VAPA: variants seen among roughly 807,000 people sequenced by gnomAD.
VAPA encodes VAMP associated protein A, also known as vesicle-associated membrane protein-associated protein A.
VAPA carries 6 observed loss-of-function variants against 25.6 expected under a neutral mutation model. That is an observed-to-expected ratio of 0.23 (90% confidence interval 0.13 to 0.46). VAPA has a LOEUF of 0.46. Among genes scored for constraint, VAPA ranks in the 20% least tolerant of loss-of-function variants. VAPA has a pLI of 0.99. For synonymous variants in VAPA, 112 were observed against 106.2 expected (o/e 1.05, Z -0.34); for missense variants, 244 against 302.1 (o/e 0.81, Z 1.43).
chr18:9,926,640 TA>T (rs1236721454), intron 1 of VAPA, among the ~76,000 whole-genome samples: 1 of 152,144 alleles, frequency 6.6e-6, no homozygotes, highest in African/African-American at 2.4e-5. Flanking sequence ...GCTACTCACA[TA>T]GTGAGTTTGC....
At chr18:9,936,957 G>A (rs2069317454) in intron 3 of VAPA, 29 bp from the exon 4 acceptor site, 1 of 1,592,728 alleles carries the variant, frequency 6.3e-7, no homozygotes. Context: ...TACCTCCTAT[G>A]TCTCATGTTT....
In VAPA at chr18:9,956,050, C is replaced by CT. The variant is rs1361192505; in HGVS notation, c.*1846dup. ...ACCAAGTTTGGTATCTCATAGCTAT[C>CT]TTTTTTTAAAGAAATTAAGTTCTTG... On this transcript the variant is annotated 3_prime_UTR_variant, in exon 6 of 6. Coordinates refer to ENST00000400000, the MANE Select transcript of VAPA (RefSeq NM_194434.3). 6.6e-6 allele frequency: 1 copy of CT among 152,150 alleles called. No individual in the cohort carries two copies. The highest frequency in any genetic ancestry group is 1.5e-5 in the Non-Finnish European group (1 of 68,028). The allele number at this position is 152,150 out of a possible 1,614,324, so 9.4% of individuals were successfully genotyped here.
intron 4 of VAPA, among the ~76,000 whole-genome samples, chr18:9,946,755 T>C (rs1449444894): frequency 2.0e-5 from 3 of 152,170 alleles, no homozygotes; most frequent in Non-Finnish European, 2.9e-5. Flanking sequence ...TACTGTACAC[T>C]GTAGACTTTA....
rs143098863 is a variant in VAPA, at chr18:9,927,617, G to C, written c.80-4193G>C. On this transcript the variant is annotated intron_variant, in intron 1 of 5. Transcript: ENST00000400000. ...TTTACACATATGGACTGACTAAAAA[G>C]GGTATTTCCTGCTGGAAAAATGTTT... 3.0e-3 allele frequency among the ~76,000 whole-genome samples: 456 copies of C among 152,146 alleles called. 6 individuals carry two copies. The highest frequency in any genetic ancestry group is 0.01 in the African/African-American group (434 of 41,520).
At chr18:9,941,375 T>C (rs1279533619) in intron 4 of VAPA, among the ~76,000 whole-genome samples, 1 of 152,178 alleles carries the variant, frequency 6.6e-6, no homozygotes, top group Non-Finnish European at 1.5e-5. Context: ...ATCTCATCTT[T>C]TACAGAAAAT....
At chr18:9,918,521 T>TA (rs779138013) in intron 1 of VAPA, among the ~76,000 whole-genome samples, 127 of 152,120 alleles carry the variant, frequency 8.3e-4, no homozygotes, top group Non-Finnish European at 1.5e-3. Flanking sequence ...ACAGTTTCTC[T>TA]AAAAAAAACC....
chr18:9,935,964 A>G (rs2069305708), intron 2 of VAPA, 146 bp from the exon 3 acceptor site: 1 of 450,904 alleles, frequency 2.2e-6, no homozygotes, highest in South Asian at 9.7e-5. Flanking sequence ...AAATTTGCAT[A>G]TTTGTGAAGT....
At chr18:9,925,545 C>G (rs942003069) in intron 1 of VAPA, among the ~76,000 whole-genome samples, 2 of 151,702 alleles carry the variant, frequency 1.3e-5, no homozygotes, top group African/African-American at 2.4e-5. Context: ...TCTTCAGTAC[C>G]TACTACACCA....
intron 1 of VAPA, among the ~76,000 whole-genome samples, chr18:9,917,049 A>C (rs1052616549): frequency 6.6e-6 from 1 of 152,254 alleles, no homozygotes; most frequent in Non-Finnish European, 1.5e-5. Context: ...TGTTTTATAC[A>C]GTCGTTAACA....
chr18:9,928,766 G>A lies in VAPA; in HGVS notation c.80-3044G>A, dbSNP rs979573347. On this transcript the variant is annotated intron_variant, in intron 1 of 5. Transcript: ENST00000400000. ...GCTCATTTTAAGTGTAAATGTTTGGGCGTGACTACACTAGAAGACATAATG... is the reference window on the plus strand; with the variant it reads ...GCTCATTTTAAGTGTAAATGTTTGGACGTGACTACACTAGAAGACATAATG... Among the ~76,000 whole-genome samples, 3 of 152,250 alleles carry A rather than the reference G, an allele frequency of 2.0e-5. No individual in the cohort carries two copies. The South Asian group carries it at 6.2e-4, about 32-fold the overall frequency.
chr18:9,927,706 C>G (rs2069213046), intron 1 of VAPA, among the ~76,000 whole-genome samples: 1 of 152,028 alleles, frequency 6.6e-6, no homozygotes, highest in East Asian at 1.9e-4. Flanking sequence ...TTAAAATTTT[C>G]TAATATTTTT....
In VAPA at chr18:9,914,042, G is replaced by T; in HGVS notation, c.-215G>T. The T allele has an allele frequency of 2.1e-6, 1 of 476,360 alleles. No homozygotes were observed. Among genetic ancestry groups the T allele is most frequent in the East Asian group, 3.8e-5 (1 of 25,976 alleles). 29.5% of individuals were successfully genotyped at this position (476,360 alleles called of 1,614,324 possible). A position where few individuals can be genotyped will look rare whatever the true frequency, so the allele number is the denominator to read the frequency against. On this transcript the variant is annotated 5_prime_UTR_variant, in exon 1 of 6. Coordinates refer to ENST00000400000, the MANE Select transcript of VAPA (RefSeq NM_194434.3). ...AGGCTCGCAAGTGCGCGTGGCCGTG[G>T]CGGCTGGTGTGGGGTTGAGTCAGTT...
At chr18:9,945,162 GTAGA>G in intron 4 of VAPA, 1 of 1,340,350 alleles carries the variant, frequency 7.5e-7, no homozygotes, top group Non-Finnish European at 1.0e-6. Flanking sequence ...GTTGTATGAA[GTAGA>G]TAGAATTGAA....
At chr18:9,934,194 A>G (rs2069285111) in intron 2 of VAPA, among the ~76,000 whole-genome samples, 1 of 152,120 alleles carries the variant, frequency 6.6e-6, no homozygotes, top group South Asian at 2.1e-4. Flanking sequence ...TCTCTGTACT[A>G]CATGCTCATT....
At chr18:9,932,439 G>A (rs1267110297) in intron 2 of VAPA, among the ~76,000 whole-genome samples, 1 of 152,200 alleles carries the variant, frequency 6.6e-6, no homozygotes, top group African/African-American at 2.4e-5. Context: ...TGTCCTGTGT[G>A]TGAAAACTTT....
At chr18:9,933,506 A>G (rs893264334) in intron 2 of VAPA, among the ~76,000 whole-genome samples, 3 of 152,210 alleles carry the variant, frequency 2.0e-5, no homozygotes, top group African/African-American at 7.2e-5. Flanking sequence ...TTTCTACTAC[A>G]TCTTTAAGCC....
Position 9,938,618 on chromosome 18 carries a change from G to A in VAPA, c.417+1552G>A, listed in dbSNP as rs928779494. On this transcript the variant is annotated intron_variant, in intron 4 of 5. Coordinates refer to ENST00000400000, the MANE Select transcript of VAPA (RefSeq NM_194434.3). ...TGAGCCTGGAACCTTTTCAGAGCAG[G>A]TATTACTAGTAACCTAAAAGCTGTT... Among the ~76,000 whole-genome samples, 4 of 152,290 alleles carry A rather than the reference G, an allele frequency of 2.6e-5. No homozygotes were observed. In the South Asian group the frequency reaches 8.3e-4, roughly 32 times the overall value.
chr18:9,942,916 G>A (rs1270026118), intron 4 of VAPA, among the ~76,000 whole-genome samples: 1 of 152,158 alleles, frequency 6.6e-6, no homozygotes, highest in Non-Finnish European at 1.5e-5. Flanking sequence ...TTTGCCGGGG[G>A]ACACAGATCC....
chr18:9,930,870 C>G (rs1299292519), intron 1 of VAPA, among the ~76,000 whole-genome samples: 1 of 151,936 alleles, frequency 6.6e-6, no homozygotes, highest in African/African-American at 2.4e-5. Context: ...AAACTTTAAG[C>G]ATAGCATAAA....
Sources: gnomAD v4.1 joint callset for allele counts (sites outside exome capture counted in the v4.1 genomes callset) on GRCh38, gnomAD v4.1.1 for gene constraint, MANE v1.5 for transcripts, NCBI Gene and HGNC (gene_info 2026-07-23, HGNC 2026-07-21) for gene names.